Variants in MLIP observed in about 807,000 individuals in gnomAD.
MLIP encodes the protein muscular LMNA-interacting protein.
Under a neutral mutation model 84.8 loss-of-function variants are expected in MLIP, and 79 were observed. That is an observed-to-expected ratio of 0.93 (90% confidence interval 0.78 to 1.12). The LOEUF (loss-of-function observed/expected upper bound fraction) is 1.12. MLIP is among the 50% of genes most tolerant of loss of function. The pLI is 0.00. For synonymous variants in MLIP, 504 were observed against 463.0 expected, an observed-to-expected ratio of 1.09 and a Z score of -1.14; for missense variants, 1,257 against 1,160.6, an observed-to-expected ratio of 1.08 and a Z score of -1.21.
At chr6:54,052,189 G>A (rs1459365812) in intron 1 of MLIP, among the ~76,000 whole-genome samples, 1 of 152,108 alleles carries the variant, frequency 6.6e-6, no homozygotes, top group East Asian at 1.9e-4. Flanking sequence ...GTAGCCCTTT[G>A]CTCAATTACT....
intron 1 of MLIP, among the ~76,000 whole-genome samples, chr6:54,066,296 A>G (rs1241459490): frequency 9.9e-6 from 1 of 100,878 alleles, no homozygotes; most frequent in Admixed American, 9.2e-5. Context: ...TCTCAAAATA[A>G]TAAACACATT....
At chr6:54,255,263 C>T (rs887624560) in intron 12 of MLIP, among the ~76,000 whole-genome samples, 2 of 152,162 alleles carry the variant, frequency 1.3e-5, no homozygotes, top group East Asian at 3.8e-4. Flanking sequence ...CATGGATGTT[C>T]CACTCACTAG....
chr6:54,039,976 T>C (rs9464020), intron 1 of MLIP, among the ~76,000 whole-genome samples: 4,341 of 152,096 alleles, frequency 0.029, 194 homozygotes, highest in African/African-American at 0.097. Flanking sequence ...CCCAATGCAT[T>C]TGGCCTGAAA....
At chr6:54,143,310 C>T (rs1772488842) in intron 4 of MLIP, among the ~76,000 whole-genome samples, 1 of 151,636 alleles carries the variant, frequency 6.6e-6, no homozygotes, top group South Asian at 2.1e-4. Context: ...CTCTGCCTCC[C>T]AGGTTCAATT....
chr6:54,078,244 ATAACT>A (rs566845404), intron 1 of MLIP, among the ~76,000 whole-genome samples: 106 of 152,340 alleles, frequency 7.0e-4, no homozygotes, highest in African/African-American at 2.5e-3. Flanking sequence ...ACAGGCAGTA[ATAACT>A]TAAGCAGTTC....
intron 1 of MLIP, among the ~76,000 whole-genome samples, chr6:54,085,617 G>C (rs886082487): frequency 6.6e-6 from 1 of 152,146 alleles, no homozygotes; most frequent in African/African-American, 2.4e-5. Flanking sequence ...AGATTAAAGG[G>C]TGGAAGCCCA....
chr6:54,022,610 A>T (rs1022930), intron 1 of MLIP, among the ~76,000 whole-genome samples: 84,625 of 152,058 alleles, frequency 0.56, 25,621 homozygotes, highest in Non-Finnish European at 0.69. Context: ...AAATGTCTTT[A>T]AGACTATAAG....
chr6:54,214,313 G>A (rs918460355), intron 11 of MLIP, among the ~76,000 whole-genome samples: 5 of 152,114 alleles, frequency 3.3e-5, no homozygotes, highest in African/African-American at 1.2e-4. Flanking sequence ...CTAGCCACAG[G>A]GGAACTTGTG....
intron 1 of MLIP, among the ~76,000 whole-genome samples, chr6:54,095,869 T>C (rs2150379625): frequency 6.6e-6 from 1 of 152,290 alleles, no homozygotes; most frequent in African/African-American, 2.4e-5. Flanking sequence ...GTTTTCTTCC[T>C]TGGAAGATTT....
intron 11 of MLIP, among the ~76,000 whole-genome samples, chr6:54,213,762 C>T (rs1052344673): frequency 4.6e-5 from 6 of 131,244 alleles, no homozygotes; most frequent in South Asian, 2.5e-4. Context: ...CTTGTATGTA[C>T]GTAATCTGTT....
intron 1 of MLIP, among the ~76,000 whole-genome samples, chr6:54,078,876 A>T (rs765531557): frequency 2.0e-4 from 31 of 152,024 alleles, no homozygotes; most frequent in Non-Finnish European, 4.3e-4. Context: ...ATTTTAGTAG[A>T]GATGGGGTTT....
chr6:54,108,570 T>G (rs1769190413), upstream of MLIP, among the ~76,000 whole-genome samples: 1 of 152,158 alleles, frequency 6.6e-6, no homozygotes, highest in African/African-American at 2.4e-5. Flanking sequence ...TAAGTGAAAA[T>G]TATGACTTCT....
At chr6:54,248,323 T>C (rs999929978) in intron 12 of MLIP, among the ~76,000 whole-genome samples, 2 of 152,170 alleles carry the variant, frequency 1.3e-5, no homozygotes, top group African/African-American at 4.8e-5. Flanking sequence ...TCTTAAAGGA[T>C]AGACAAAAAG....
At chr6:54,257,162 G>T in intron 12 of MLIP, 146 bp from the exon 13 acceptor site, 1 of 611,854 alleles carries the variant, frequency 1.6e-6, no homozygotes, top group East Asian at 2.8e-5. Context: ...AGTGACAATT[G>T]AATCTTAGTG....
At position 54,072,938 on chromosome 6, in the gene MLIP, G is replaced by A. The variant is rs759691062; in HGVS notation, c.64-48509G>A. 5.3e-5 allele frequency among the ~76,000 whole-genome samples: 8 copies of A among 152,264 alleles called. No individual in the cohort carries two copies. The East Asian group carries it at 7.7e-4, about 15-fold the overall frequency. ...TTCTTCTTCTGCCTCAGGGACTGTT[G>A]TTGACTTTGTCAGCTTCTTGTGGGA... On this transcript the variant is annotated intron_variant, in intron 1 of 12. Transcript: ENST00000274897.
intron 2 of MLIP, among the ~76,000 whole-genome samples, chr6:54,124,063 C>CAA (rs1770696856): frequency 6.6e-6 from 1 of 152,120 alleles, no homozygotes; most frequent in Admixed American, 6.5e-5. Context: ...TAGAAACTTT[C>CAA]AATGGGGATT....
upstream of MLIP, among the ~76,000 whole-genome samples, chr6:54,109,476 C>A (rs1313206277): frequency 6.6e-6 from 1 of 152,080 alleles, no homozygotes; most frequent in African/African-American, 2.4e-5. Context: ...GGGCCCACAG[C>A]CAGTGGATGA....
At chr6:54,236,995 C>T (rs1781408458) in intron 12 of MLIP, among the ~76,000 whole-genome samples, 1 of 152,014 alleles carries the variant, frequency 6.6e-6, no homozygotes, top group Non-Finnish European at 1.5e-5. Context: ...TCACGAATTC[C>T]ATGCTCATGG....
At position 54,053,208 on chromosome 6, in the gene MLIP, G is replaced by A. The variant is rs1765471201; in HGVS notation, c.63+34117G>A. ...ATACCCATACCTTAAGCACCACTAT[G>A]TTTTGTACTGGGTTGAACCATGTGG... On this transcript the variant is annotated intron_variant, in intron 1 of 12. Transcript: ENST00000274897. Among the ~76,000 whole-genome samples, 3 of 152,152 alleles carry A rather than the reference G, an allele frequency of 2.0e-5. No homozygotes were observed. In the South Asian group the frequency reaches 6.2e-4, roughly 31 times the overall value.
Sources: allele counts gnomAD v4.1 joint callset (sites outside exome capture counted in the v4.1 genomes callset), GRCh38; gene constraint gnomAD v4.1.1; transcripts MANE v1.5; gene names NCBI Gene and HGNC (gene_info 2026-07-23, HGNC 2026-07-21).